CHTF18: variants seen among roughly 807,000 people sequenced by gnomAD.
The protein encoded by CHTF18 is chromosome transmission fidelity factor 18.
CHTF18 carries 151 observed loss-of-function variants against 113.4 expected under a neutral mutation model. The observed-to-expected ratio is 1.33, with a 90% CI of 1.17 to 1.52. The LOEUF (loss-of-function observed/expected upper bound fraction) is 1.52, where lower values mean the gene tolerates loss of function less well. Among genes scored for constraint, CHTF18 ranks in the 40% most tolerant of loss-of-function variants. The pLI is 0.00. For missense variants in CHTF18, 1,982 were observed against 1,381.6 expected (o/e 1.43, Z -6.89); for synonymous variants, 916 against 598.8 (o/e 1.53, Z -7.74).
Position 795,337 on chromosome 16 carries a change from T to G in CHTF18, c.2156T>G (p.Phe719Cys). ...TCCAGCCACACACCCAGGATCACCT[T>G]CCCCAGCAGCCAGCAGGAGGTGTGC... Reference protein sequence around the residue: ...FASSHTPRITFPSSQQEAQNR... With the variant: ...FASSHTPRITCPSSQQEAQNR... Residue 719 changes from phenylalanine (F) to cysteine (C), a missense_variant, in exon 16 of 22, where the codon TTC (phenylalanine) becomes TGC (cysteine). Coordinates refer to ENST00000262315, the MANE Select transcript of CHTF18 (RefSeq NM_022092.3). The G allele has an allele frequency of 6.5e-7, 1 of 1,546,306 alleles. No individual in the cohort carries two copies. The highest frequency in any genetic ancestry group is 8.7e-7 in the Non-Finnish European group (1 of 1,146,240).
At position 797,768 on chromosome 16, in the gene CHTF18, TGTG is replaced by T. The variant is rs777752861; in HGVS notation, c.2791+19_2791+21del. ...CGAGTGCAGGTGTGTGTGGGGGTGT[TGTG>T]GGGTTGTGGGGGGCCTGGGGGTTGT... On this transcript the variant is annotated intron_variant, in intron 21 of 21. Transcript: ENST00000262315. 20 of 1,275,720 alleles carry T rather than the reference TGTG, an allele frequency of 1.6e-5. No homozygotes were observed. Among genetic ancestry groups the T allele is most frequent in the African/African-American group, 1.3e-4 (6 of 45,892 alleles). 79.0% of individuals were successfully genotyped at this position (1,275,720 alleles called of 1,614,324 possible).
chr16:789,166 C>A, intron 2 of CHTF18, 41 bp downstream of exon 2: 4 of 1,549,956 alleles, frequency 2.6e-6, no homozygotes, highest in Non-Finnish European at 2.6e-6. Flanking sequence ...GGAGTGGGCG[C>A]GAGGCTGAGG....
intron 16 of CHTF18, 53 bp from the exon 17 acceptor site, chr16:795,632 C>T: frequency 8.2e-7 from 1 of 1,224,574 alleles, no homozygotes; most frequent in Non-Finnish European, 1.1e-6. Context: ...CCACCATTCC[C>T]CCCTCGCCCG....
intron 8 of CHTF18, 59 bp downstream of exon 8, chr16:791,429 C>A (rs1033584217): frequency 2.0e-6 from 3 of 1,510,530 alleles, no homozygotes; most frequent in African/African-American, 1.4e-5. Flanking sequence ...TCGGCGCCGG[C>A]ACCCTTGCAG....
chr16:795,789 T>G lies in CHTF18; in HGVS notation c.2280T>G (p.Asp760Glu). 1 of 1,609,860 alleles carries G rather than the reference T, an allele frequency of 6.2e-7. No homozygotes were observed. The highest frequency in any genetic ancestry group is 8.5e-7 in the Non-Finnish European group (1 of 1,179,040). Residue 760 changes from aspartate to glutamate, a missense_variant, in exon 17 of 22, where the codon GAT (aspartate) becomes GAG (glutamate). Physicochemically the swap from Asp to Glu is conservative, Grantham distance 45. Transcript: ENST00000262315. Reference protein sequence around the residue: ...SRATPQALLLDALCLLLDILA... With the variant: ...SRATPQALLLEALCLLLDILA... ...CCACGCCCCAGGCCCTGCTCCTCGA[T>G]GCCCTCTGCCTGCTCCTGGACATTC...
rs1459287707 is a variant in CHTF18 at position 789,021 on chromosome 16, C to A, written c.182C>A (p.Ala61Glu). 3.9e-6 allele frequency: 6 copies of A among 1,537,120 alleles called. No homozygotes were observed. The highest frequency in any genetic ancestry group is 5.2e-6 in the Non-Finnish European group (6 of 1,143,676). Residue 61 changes from alanine to glutamate, a missense_variant, in exon 2 of 22, where the codon GCG (alanine) becomes GAG (glutamate). Coordinates refer to ENST00000262315, the MANE Select transcript of CHTF18 (RefSeq NM_022092.3). ...TFEEALARGD[A>E]ASSPAPAASV... ...GAGGAGGCCCTTGCCAGAGGGGACG[C>A]GGCCTCCAGTCCCGCCCCAGCCGCA... is the stretch of plus-strand genomic sequence containing the variant.
intron 1 of CHTF18, 41 bp downstream of exon 1, chr16:788,816 GC>G (rs2042070156): frequency 6.4e-7 from 1 of 1,567,162 alleles, no homozygotes; most frequent in Non-Finnish European, 8.6e-7. Context: ...AGCTGCGAAA[GC>G]CGGGACAGTG....
intron 14 of CHTF18, 87 bp downstream of exon 14, chr16:793,361 C>T (rs1194337637): frequency 1.6e-5 from 24 of 1,489,788 alleles, no homozygotes; most frequent in South Asian, 7.4e-5. Context: ...GCACTACCTT[C>T]GAGGCGGGGA....
rs765650435 is a variant in CHTF18 at position 789,373 on chromosome 16, G to T, written c.437+13G>T. On this transcript the variant is annotated intron_variant, in intron 3 of 21. Coordinates refer to ENST00000262315, the MANE Select transcript of CHTF18 (RefSeq NM_022092.3). ...TTTGGGGCCACGGGTGTGTGGCTTG[G>T]ACATGGGCGTCCCATCCCATCTGTC... 33 of 1,570,294 alleles carry T rather than the reference G, an allele frequency of 2.1e-5. No individual in the cohort carries two copies. The highest frequency in any genetic ancestry group is 2.8e-5 in the Non-Finnish European group (33 of 1,159,834).
intron 21 of CHTF18, 41 bp downstream of exon 21, chr16:797,792 G>A: frequency 6.5e-7 from 1 of 1,543,974 alleles, no homozygotes; most frequent in South Asian, 1.2e-5. Flanking sequence ...GGGCCTGGGG[G>A]TTGTGGGGGG....
chr16:796,512 A>G (rs2042352048), intron 18 of CHTF18: 1 of 617,294 alleles, frequency 1.6e-6, no homozygotes, highest in Admixed American at 3.3e-5. Flanking sequence ...TCATCATCCC[A>G]CGTACACTTG....
chr16:797,668 G>A (rs766925791), intron 20 of CHTF18, 26 bp from the exon 21 acceptor site: 15 of 1,610,848 alleles, frequency 9.3e-6, no homozygotes, highest in South Asian at 3.3e-5. Context: ...TGTCCTATAC[G>A]ACTGACTAGT....
At chr16:794,926 C>T (rs531314940) in intron 15 of CHTF18, 164 of 586,248 alleles carry the variant, frequency 2.8e-4, no homozygotes, top group Non-Finnish European at 4.1e-4. Context: ...GACCCTCCCC[C>T]GACCCCTTGG....
At position 796,947 on chromosome 16, in the gene CHTF18, C is replaced by T. The variant is rs750197242; in HGVS notation, c.2602-14C>T. 5 of 1,528,910 alleles carry T rather than the reference C, an allele frequency of 3.3e-6. No homozygotes were observed. Among genetic ancestry groups the T allele is most frequent in the Non-Finnish European group, 3.5e-6 (4 of 1,134,484 alleles). The allele number at this position is 1,528,910 out of a possible 1,614,324, so 94.7% of individuals were successfully genotyped here. A position where few individuals can be genotyped will look rare whatever the true frequency, so the allele number is the denominator to read the frequency against. Reference sequence around the variant, plus strand: ...CCCTGTGTGGCCAGATCTCACAATGCCTGCTCCCTACAGGTGGATGGGAGC... The same window carrying T: ...CCCTGTGTGGCCAGATCTCACAATGTCTGCTCCCTACAGGTGGATGGGAGC... On this transcript the variant is annotated splice_polypyrimidine_tract_variant and intron_variant, in intron 19 of 21. Transcript: ENST00000262315.
intron 7 of CHTF18, 124 bp from the exon 8 acceptor site, chr16:791,036 CG>C: frequency 6.7e-7 from 1 of 1,482,230 alleles, no homozygotes; most frequent in Non-Finnish European, 9.0e-7. Context: ...GGCAGGAAGA[CG>C]GGGGTGGCCA....
At position 790,172 on chromosome 16, in the gene CHTF18, C is replaced by T. The variant is rs200022453; in HGVS notation, c.607-5C>T. On this transcript the variant is annotated splice_polypyrimidine_tract_variant and splice_region_variant and intron_variant, in intron 4 of 21. Transcript: ENST00000262315. ...CCAGAGGCAATTGTCCTCCCTTCCC[C>T]ACAGGGCTCTCTCCTCCACGTCCCA... 3.8e-6 allele frequency: 6 copies of T among 1,590,718 alleles called. No individual in the cohort carries two copies. The highest frequency in any genetic ancestry group is 4.6e-5 in the East Asian group (2 of 43,498).
intron 14 of CHTF18, chr16:793,759 A>T: frequency 1.5e-6 from 1 of 664,758 alleles, no homozygotes; most frequent in South Asian, 1.5e-5. Flanking sequence ...GGCCTGTGGG[A>T]TGTGCTGCTC....
intron 16 of CHTF18, 39 bp from the exon 17 acceptor site, chr16:795,646 G>A (rs776786411): frequency 1.4e-6 from 2 of 1,429,604 alleles, no homozygotes; most frequent in Admixed American, 2.0e-5. Flanking sequence ...TCGCCCGGGA[G>A]GCCCAGGTGA....
intron 17 of CHTF18, 37 bp from the exon 18 acceptor site, chr16:795,910 C>T (rs745598131): frequency 5.6e-6 from 9 of 1,601,466 alleles, no homozygotes; most frequent in South Asian, 2.2e-5. Context: ...TTTGTACAGC[C>T]TGCTCAGCTC....
Sources: gnomAD v4.1 joint callset for allele counts on GRCh38, gnomAD v4.1.1 for gene constraint, MANE v1.5 for transcripts, NCBI Gene and HGNC (gene_info 2026-07-23, HGNC 2026-07-21) for gene names.